The following KCNH1 variants were observed in gnomAD, a reference collection of about 807,000 sequenced individuals.
KCNH1 encodes the protein voltage-gated delayed rectifier potassium channel KCNH1.
In KCNH1, 27 loss-of-function variants were observed where a neutral mutation model predicts 69.2. The observed-to-expected ratio is 0.39, with a 90% CI of 0.29 to 0.54. The LOEUF is 0.54. Among genes scored for constraint, KCNH1 ranks in the 20% least tolerant of loss-of-function variants. The pLI, the probability that KCNH1 is intolerant of heterozygous loss-of-function variation, is 0.68. For synonymous variants in KCNH1, 456 were observed against 487.7 expected (o/e 0.93, Z 0.86); for missense variants, 798 against 1,261.6 (o/e 0.63, Z 5.57).
chr1:211,068,461 T>C (rs529899186), intron 5 of KCNH1, among the ~76,000 whole-genome samples: 338 of 152,178 alleles, frequency 2.2e-3, no homozygotes, highest in African/African-American at 7.7e-3. Context: ...AGTGGCACAA[T>C]CTTGGCTCAC....
intron 8 of KCNH1, among the ~76,000 whole-genome samples, chr1:210,801,922 A>AT (rs1684436572): frequency 6.6e-6 from 1 of 152,186 alleles, no homozygotes; most frequent in East Asian, 1.9e-4. Flanking sequence ...CATGTTTTAA[A>AT]TTTTTTTAAG....
intron 7 of KCNH1, among the ~76,000 whole-genome samples, chr1:210,870,817 AT>A (rs1271030807): frequency 9.9e-5 from 15 of 152,110 alleles, no homozygotes; most frequent in Admixed American, 9.2e-4. Context: ...TTTAGCTCCA[AT>A]ACAATTCATA....
chr1:211,043,362 G>A (rs1690036674), intron 5 of KCNH1, among the ~76,000 whole-genome samples: 1 of 152,128 alleles, frequency 6.6e-6, no homozygotes, highest in African/African-American at 2.4e-5. Flanking sequence ...TAGAGGAGAT[G>A]GATGAATTCC....
intron 10 of KCNH1, among the ~76,000 whole-genome samples, chr1:210,737,192 G>T (rs1682900838): frequency 6.6e-6 from 1 of 152,278 alleles, no homozygotes; most frequent in African/African-American, 2.4e-5. Context: ...GGCAGCCAGA[G>T]GACAGGGAAA....
intron 10 of KCNH1, among the ~76,000 whole-genome samples, chr1:210,735,862 T>C (rs1469023758): frequency 6.6e-6 from 1 of 151,290 alleles, no homozygotes; most frequent in Non-Finnish European, 1.5e-5. Flanking sequence ...GAGAGTACAC[T>C]TCAGCTATCT....
At chr1:210,739,058 T>C (rs1249185142) in intron 10 of KCNH1, among the ~76,000 whole-genome samples, 12 of 152,214 alleles carry the variant, frequency 7.9e-5, no homozygotes, top group Admixed American at 3.3e-4. Context: ...ATAAAAGTAT[T>C]ACATGCTCCA....
chr1:210,914,307 A>G (rs1687293885), intron 7 of KCNH1, among the ~76,000 whole-genome samples: 1 of 152,208 alleles, frequency 6.6e-6, no homozygotes, highest in African/African-American at 2.4e-5. Context: ...TCCTAAGAAT[A>G]TCTTTACAGC....
In KCNH1 at chr1:211,090,568, A is replaced by G. The variant is rs751312442; in HGVS notation, c.433T>C (p.Cys145Arg). Reference sequence around the variant, plus strand: ...ACAAGTCAGAATTACAAACCTTTACATGAATCATCCTCAATTGGCTGTTTG... The same window carrying G: ...ACAAGTCAGAATTACAAACCTTTACGTGAATCATCCTCAATTGGCTGTTTG... The part of the protein sequence containing the change: ...AFKQPIEDDS[C>R]KGWGKFARLT... The change falls in exon 4 of 11, where the codon TGT becomes CGT. Residue 145 changes from cysteine (C) to arginine (R), a missense_variant. Around this residue, in one of 4 missense-constraint regions of KCNH1, gnomAD observed 266 missense variants for 457.2 expected, o/e 0.58. Coordinates refer to ENST00000271751, the MANE Select transcript of KCNH1 (RefSeq NM_172362.3). 4.4e-6 allele frequency: 7 copies of G among 1,602,128 alleles called. No homozygotes were observed. Among genetic ancestry groups the G allele is most frequent in the African/African-American group, 1.3e-5 (1 of 74,216 alleles).
intron 6 of KCNH1, among the ~76,000 whole-genome samples, chr1:211,018,300 A>T (rs1256466971): frequency 6.6e-6 from 1 of 152,092 alleles, no homozygotes; most frequent in East Asian, 1.9e-4. Context: ...GCAAAGAAAT[A>T]ACTCATCTCA....
intron 7 of KCNH1, among the ~76,000 whole-genome samples, chr1:210,812,513 CT>C (rs1217193632): frequency 6.6e-6 from 1 of 152,076 alleles, no homozygotes; most frequent in East Asian, 1.9e-4. Flanking sequence ...CTTAATATGT[CT>C]TTTTTGCCAA....
At chr1:210,987,957 T>C (rs1688872325) in intron 6 of KCNH1, among the ~76,000 whole-genome samples, 1 of 152,196 alleles carries the variant, frequency 6.6e-6, no homozygotes, top group Non-Finnish European at 1.5e-5. Context: ...GGCTGCTTTG[T>C]TTACCTAATC....
At chr1:210,819,590 G>C in intron 7 of KCNH1, among the ~76,000 whole-genome samples, 1 of 150,278 alleles carries the variant, frequency 6.7e-6, no homozygotes, top group Non-Finnish European at 1.5e-5. Context: ...CTAGTAGTTA[G>C]AAAAAAAGTT....
At chr1:210,893,253 T>A (rs1323602821) in intron 7 of KCNH1, among the ~76,000 whole-genome samples, 2 of 152,204 alleles carry the variant, frequency 1.3e-5, no homozygotes, top group African/African-American at 4.8e-5. Context: ...CACTTAAATT[T>A]TGGTTTTGAA....
chr1:210,762,848 AG>A (rs1683549455), intron 10 of KCNH1, among the ~76,000 whole-genome samples: 1 of 152,088 alleles, frequency 6.6e-6, no homozygotes, highest in Non-Finnish European at 1.5e-5. Context: ...ATCAAGGAGG[AG>A]GGACTCCTCC....
At chr1:210,962,356 G>T (rs1439756504) in intron 6 of KCNH1, among the ~76,000 whole-genome samples, 1 of 152,112 alleles carries the variant, frequency 6.6e-6, no homozygotes, top group Non-Finnish European at 1.5e-5. Context: ...GCTTCAGGAG[G>T]ATGGGTCCCT....
At chr1:210,977,915 A>T (rs1024109304) in intron 6 of KCNH1, among the ~76,000 whole-genome samples, 1 of 152,204 alleles carries the variant, frequency 6.6e-6, no homozygotes, top group Admixed American at 6.5e-5. Context: ...TGTTCAGAAC[A>T]TTCAAAATCT....
rs150837498 is a variant in KCNH1, at chr1:210,783,955, A to G, written c.1916-8411T>C. Among the ~76,000 whole-genome samples, 56 of 152,348 alleles carry G rather than the reference A, an allele frequency of 3.7e-4. No individual in the cohort carries two copies. In the East Asian group the frequency reaches 0.011, roughly 29 times the overall value. ...GCTCTAAGAAAAAGCATGAGCTTCC[A>G]TGTGTCTAATGGACTGAAGAGTAAA... On this transcript the variant is annotated intron_variant, in intron 9 of 10. Transcript: ENST00000271751.
At chr1:211,100,072 G>A (rs1691231254) in intron 3 of KCNH1, among the ~76,000 whole-genome samples, 1 of 152,058 alleles carries the variant, frequency 6.6e-6, no homozygotes, top group South Asian at 2.1e-4. Context: ...ATGTTTCTCA[G>A]GTCAGATTCA....
rs150100337 is a variant in KCNH1 at position 210,859,814 on chromosome 1, C to T, written c.1463-55648G>A. 1.2e-4 allele frequency: 130 copies of T among 1,044,550 alleles called. No individual in the cohort carries two copies. In the Middle Eastern group the frequency reaches 2.0e-3, roughly 16 times the overall value. 64.7% of individuals were successfully genotyped at this position (1,044,550 alleles called of 1,614,324 possible). A position where few individuals can be genotyped will look rare whatever the true frequency, so the allele number is the denominator to read the frequency against. ...TCATGAAGCCCCAAGAAACAGTCAA[C>T]ATCATTAAGCCACTAATAAAATGAT... On this transcript the variant is annotated intron_variant, in intron 7 of 10. Coordinates refer to ENST00000271751, the MANE Select transcript of KCNH1 (RefSeq NM_172362.3).
Sources: allele counts gnomAD v4.1 joint callset (sites outside exome capture counted in the v4.1 genomes callset), GRCh38; gene constraint gnomAD v4.1.1; regional missense constraint gnomAD v4.1.1; transcripts MANE v1.5; gene names NCBI Gene and HGNC (gene_info 2026-07-23, HGNC 2026-07-21).